The following PWWP2A variants were observed in gnomAD, a reference collection of about 807,000 sequenced individuals.
The protein encoded by PWWP2A is PWWP domain-containing protein 2A.
In PWWP2A, 18 loss-of-function variants were observed where a neutral mutation model predicts 48.5. That is an observed-to-expected ratio of 0.37 (90% CI 0.26 to 0.55). The LOEUF is 0.55. Ranked by LOEUF, PWWP2A falls within the 20% of genes least tolerant of loss-of-function variation. The pLI is 0.81. For synonymous variants in PWWP2A, 396 were observed against 387.7 expected (o/e 1.02, Z -0.25); for missense variants, 867 against 976.4 (o/e 0.89, Z 1.49).
intron 1 of PWWP2A, among the ~76,000 whole-genome samples, chr5:160,102,813 A>G (rs1007049826): frequency 5.3e-5 from 8 of 152,216 alleles, no homozygotes; most frequent in African/African-American, 1.9e-4. Context: ...TCAGGAGTAA[A>G]TATCAGGCAA....
chr5:160,064,370 C>T (rs917077902), intron 4 of PWWP2A, among the ~76,000 whole-genome samples: 5 of 152,160 alleles, frequency 3.3e-5, no homozygotes, highest in African/African-American at 1.2e-4. Context: ...CAAGATGATC[C>T]CATTTCTAAG....
intron 1 of PWWP2A, among the ~76,000 whole-genome samples, chr5:160,109,788 T>TAATA (rs1561698647): frequency 8.5e-6 from 1 of 117,474 alleles, no homozygotes; most frequent in Non-Finnish European, 1.8e-5. Context: ...TATATATATA[T>TAATA]ATATATATAT....
At chr5:160,061,422 A>C (rs1753392856), downstream of PWWP2A, among the ~76,000 whole-genome samples, 2 of 152,198 alleles carry the variant, frequency 1.3e-5, no homozygotes, top group South Asian at 4.1e-4. Flanking sequence ...CTTCCTTGTC[A>C]AATTCTAAGC....
chr5:160,112,225 C>T (rs765867806), intron 1 of PWWP2A, among the ~76,000 whole-genome samples: 1 of 151,214 alleles, frequency 6.6e-6, no homozygotes, highest in African/African-American at 2.4e-5. Flanking sequence ...CACTTAAAGG[C>T]GTCCAGTTCT....
chr5:160,108,632 CATT>C, intron 1 of PWWP2A: 2 of 1,260,582 alleles, frequency 1.6e-6, no homozygotes, highest in Non-Finnish European at 1.0e-6. Context: ...GAAAAGAAAT[CATT>C]GTCTTGGTTT....
chr5:160,062,394 TCCC>T (rs1753443361), intron 5 of PWWP2A, among the ~76,000 whole-genome samples: 1 of 152,052 alleles, frequency 6.6e-6, no homozygotes. Context: ...CCTATTCCCA[TCCC>T]CCGGAGCACT....
chr5:160,084,613 T>C (rs966092871), intron 2 of PWWP2A, among the ~76,000 whole-genome samples: 1 of 151,756 alleles, frequency 6.6e-6, no homozygotes, highest in Non-Finnish European at 1.5e-5. Context: ...GTATTTTTTG[T>C]AGAGACAGAG....
At chr5:160,105,112 C>G (rs1358834405) in intron 1 of PWWP2A, among the ~76,000 whole-genome samples, 4 of 151,962 alleles carry the variant, frequency 2.6e-5, no homozygotes, top group Non-Finnish European at 4.4e-5. Context: ...GAGGCACAGG[C>G]CTGTAGTCCC....
chr5:160,109,422 G>A (rs1267847129), intron 1 of PWWP2A, among the ~76,000 whole-genome samples: 1 of 151,434 alleles, frequency 6.6e-6, no homozygotes, highest in East Asian at 1.9e-4. Context: ...AAAAGCTTCT[G>A]CAAGAAGATT....
intron 1 of PWWP2A, among the ~76,000 whole-genome samples, chr5:160,103,397 A>C (rs1285108084): frequency 6.6e-6 from 1 of 152,076 alleles, no homozygotes; most frequent in East Asian, 1.9e-4. Flanking sequence ...ACACAGTGAG[A>C]CCCCCATCTC....
At chr5:160,109,758 A>G (rs1337887002) in intron 1 of PWWP2A, among the ~76,000 whole-genome samples, 4 of 44,228 alleles carry the variant, frequency 9.0e-5, no homozygotes, top group Admixed American at 3.8e-4. Flanking sequence ...TGCAACTGGG[A>G]AAAAAAAAAA....
chr5:160,114,641 T>C (rs910211506), intron 1 of PWWP2A, among the ~76,000 whole-genome samples: 1 of 151,170 alleles, frequency 6.6e-6, no homozygotes, highest in African/African-American at 2.4e-5. Flanking sequence ...AGCATGCCTG[T>C]AATCCCAGCT....
At chr5:160,116,212 G>A (rs1043134768) in intron 1 of PWWP2A, among the ~76,000 whole-genome samples, 3 of 151,916 alleles carry the variant, frequency 2.0e-5, no homozygotes, top group African/African-American at 7.3e-5. Flanking sequence ...AAGCCACCAC[G>A]CCCAGCTAAG....
At chr5:160,081,455 G>T (rs991420042) in intron 2 of PWWP2A, among the ~76,000 whole-genome samples, 1 of 152,032 alleles carries the variant, frequency 6.6e-6, no homozygotes, top group Non-Finnish European at 1.5e-5. Flanking sequence ...GGCCAGCCTG[G>T]TCTCAAACTC....
chr5:160,084,081 T>C (rs1268276800), intron 2 of PWWP2A, among the ~76,000 whole-genome samples: 1 of 152,210 alleles, frequency 6.6e-6, no homozygotes, highest in African/African-American at 2.4e-5. Context: ...AATGATAGTA[T>C]CGAAAGCTAC....
Position 160,092,310 on chromosome 5 carries a change from A to G in PWWP2A, c.*72T>C. 17 of 1,456,572 alleles carry G rather than the reference A, an allele frequency of 1.2e-5. No individual in the cohort carries two copies. The highest frequency in any genetic ancestry group is 1.5e-5 in the Non-Finnish European group (17 of 1,103,666). The allele number at this position is 1,456,572 out of a possible 1,614,324, so 90.2% of individuals were successfully genotyped here. On this transcript the variant is annotated 3_prime_UTR_variant, in exon 2 of 2. Transcript: ENST00000307063. ...CTCCAATCTGGCCACGCTATTTTGT[A>G]GAAATTATTCCTAACTAGACTAGAA...
intron 1 of PWWP2A, among the ~76,000 whole-genome samples, chr5:160,104,975 C>T (rs1756717890): frequency 6.6e-6 from 1 of 152,162 alleles, no homozygotes; most frequent in Non-Finnish European, 1.5e-5. Context: ...GGCCTTGTGG[C>T]TCACGCCTGT....
chr5:160,049,720 G>GA, the PWWP2A span: 1 of 1,347,768 alleles, frequency 7.4e-7, no homozygotes, highest in East Asian at 2.6e-5. Flanking sequence ...GCTACCCAGT[G>GA]AGTCCTAAAT....
chr5:160,049,449 G>T, the PWWP2A span: 1 of 1,384,512 alleles, frequency 7.2e-7, no homozygotes, highest in South Asian at 1.6e-5. Context: ...GAAGGAATCT[G>T]ATATAGCCAA....
Sources: gnomAD v4.1 joint callset for allele counts (sites outside exome capture counted in the v4.1 genomes callset) on GRCh38, gnomAD v4.1.1 for gene constraint, MANE v1.5 for transcripts, NCBI Gene and HGNC (gene_info 2026-07-23, HGNC 2026-07-21) for gene names.